The following KIF26B variants were observed in gnomAD, a reference collection of about 807,000 sequenced individuals.
KIF26B encodes kinesin-like protein KIF26B.
KIF26B carries 63 observed loss-of-function variants against 151.2 expected under a neutral mutation model. That is an observed-to-expected ratio of 0.42 (90% CI 0.34 to 0.51). KIF26B has a LOEUF of 0.51. KIF26B is among the 20% of genes least tolerant of loss of function. The pLI is 0.07. For synonymous variants in KIF26B, 1,357 were observed against 1,262.1 expected, an observed-to-expected ratio of 1.08 and a Z score of -1.59; for missense variants, 2,813 against 2,913.6, an observed-to-expected ratio of 0.97 and a Z score of 0.79.
chr1:245,455,783 G>A (rs1385429362), intron 4 of KIF26B, among the ~76,000 whole-genome samples: 1 of 152,162 alleles, frequency 6.6e-6, no homozygotes, highest in Non-Finnish European at 1.5e-5. Context: ...CAGCACCCCT[G>A]AGGCCAGAGA....
In KIF26B at chr1:245,375,109, C is replaced by T. The variant is rs1316364775; in HGVS notation, c.999+7742C>T. The stretch of plus-strand genomic sequence containing the variant: ...TTAATTTTATTATTATTTTTTGAGA[C>T]GGCGTCTCACTCTGCCACCCAGGCT... On this transcript the variant is annotated intron_variant, in intron 3 of 14. Transcript: ENST00000407071. The surrounding 1 kb of genome is among the most constrained non-coding windows in gnomAD (Gnocchi z 4.2). 1.1e-4 allele frequency among the ~76,000 whole-genome samples: 17 copies of T among 152,090 alleles called. No individual in the cohort carries two copies. Among genetic ancestry groups the T allele is most frequent in the Non-Finnish European group, 2.9e-5 (2 of 68,026 alleles).
At chr1:245,689,438 C>T (rs1357985408) in intron 12 of KIF26B, among the ~76,000 whole-genome samples, 1 of 152,246 alleles carries the variant, frequency 6.6e-6, no homozygotes, top group Non-Finnish European at 1.5e-5. Flanking sequence ...CTTCCTCCAC[C>T]TCCACCCCAA....
intron 4 of KIF26B, among the ~76,000 whole-genome samples, chr1:245,454,326 A>T (rs1194219939): frequency 2.0e-5 from 3 of 152,174 alleles, no homozygotes; most frequent in Non-Finnish European, 4.4e-5. Context: ...AAGTAGTTCT[A>T]GTTTCTATGT....
chr1:245,599,426 G>A (rs1279993439), intron 5 of KIF26B, among the ~76,000 whole-genome samples: 1 of 152,232 alleles, frequency 6.6e-6, no homozygotes, highest in African/African-American at 2.4e-5. Context: ...TGCAGAAAAT[G>A]AGCCGCAGGC....
At chr1:245,670,214 A>C (rs2044265937) in intron 10 of KIF26B, among the ~76,000 whole-genome samples, 3 of 149,058 alleles carry the variant, frequency 2.0e-5, no homozygotes, top group African/African-American at 7.3e-5. Flanking sequence ...AAAAAGGCTG[A>C]ATAATATTCC....
intron 2 of KIF26B, among the ~76,000 whole-genome samples, chr1:245,301,014 G>C (rs1671420372): frequency 6.8e-6 from 1 of 147,640 alleles, no homozygotes; most frequent in Non-Finnish European, 1.5e-5. Flanking sequence ...ATTTTTAGTA[G>C]AGATGGGGGT....
At chr1:245,443,725 G>T (rs1308781977) in intron 4 of KIF26B, among the ~76,000 whole-genome samples, 1 of 100,302 alleles carries the variant, frequency 1.0e-5, no homozygotes, top group Non-Finnish European at 2.1e-5. Flanking sequence ...CACCTAGAGC[G>T]GTCATCTCCC....
intron 2 of KIF26B, among the ~76,000 whole-genome samples, chr1:245,327,463 T>C (rs193143): frequency 6.6e-6 from 1 of 152,232 alleles, no homozygotes; most frequent in Non-Finnish European, 1.5e-5. Flanking sequence ...TGCATTTTGG[T>C]CTGTCTGCTC....
rs528908948 is a variant in KIF26B at position 245,201,871 on chromosome 1, T to C, written c.465+45188T>C. Among the ~76,000 whole-genome samples the C allele has an allele frequency of 2.0e-4, 30 of 152,312 alleles. No individual in the cohort carries two copies. In the South Asian group the frequency reaches 6.2e-3, roughly 32 times the overall value. ...TCTGCAGCACAGGAGTACGACTGTA[T>C]TTGAGGAGGCAGCTTGACTTCATGC... On this transcript the variant is annotated intron_variant, in intron 2 of 14. Transcript: ENST00000407071.
intron 2 of KIF26B, among the ~76,000 whole-genome samples, chr1:245,335,893 G>A (rs916845667): frequency 6.8e-6 from 1 of 147,148 alleles, no homozygotes; most frequent in Non-Finnish European, 1.5e-5. Flanking sequence ...AGGGTCCCAC[G>A]CAGGGAAAGA....
rs146212366 is a variant in KIF26B at position 245,462,570 on chromosome 1, T to C, written c.1166+42825T>C. Among the ~76,000 whole-genome samples, 409 of 152,248 alleles carry C rather than the reference T, an allele frequency of 2.7e-3. 3 individuals are homozygous for C. Among genetic ancestry groups the C allele is most frequent in the African/African-American group, 9.2e-3 (382 of 41,546 alleles). ...TGACTGTCACAGCAATGGATTCCTT[T>C]AGTAGCATCTTCACTGTGTATTCAC... On this transcript the variant is annotated intron_variant, in intron 4 of 14. Transcript: ENST00000407071.
Position 245,516,005 on chromosome 1 carries a change from G to T in KIF26B, c.1167-24762G>T, listed in dbSNP as rs991896277. ...GCATCTGACAAAGCTGGGTTTGGAC[G>T]ATAGCCTCATACTTGGGTTTCTGTT... On this transcript the variant is annotated intron_variant, in intron 4 of 14. Coordinates refer to ENST00000407071, the MANE Select transcript of KIF26B (RefSeq NM_018012.4). This position sits in a 1 kb window ranked among gnomAD's most constrained non-coding sequence, Gnocchi z 4.2. Among the ~76,000 whole-genome samples, 1 of 152,252 alleles carries T rather than the reference G, an allele frequency of 6.6e-6. No homozygotes were observed. Among genetic ancestry groups the T allele is most frequent in the East Asian group, 1.9e-4 (1 of 5,186 alleles).
rs1346006624 is a variant in KIF26B at position 245,261,463 on chromosome 1, TTCTTTCTCTCTC to T, written c.465+104784_465+104795del. On this transcript the variant is annotated intron_variant, in intron 2 of 14. Transcript: ENST00000407071. ...GCTCGCTTGCTTGCTTGCTTTTTCT[TTCTTTCTCTCTC>T]TCTCTCTCTCTCTCTCTCTCTCTCT... Among the ~76,000 whole-genome samples the T allele has an allele frequency of 1.6e-4, 16 of 97,018 alleles. 1 individual carries two copies. Among genetic ancestry groups the T allele is most frequent in the South Asian group, 4.0e-4 (1 of 2,528 alleles). 63.6% of individuals were successfully genotyped at this position (97,018 alleles called of 152,430 possible). A position where few individuals can be genotyped will look rare whatever the true frequency, so the allele number is the denominator to read the frequency against.
intron 2 of KIF26B, among the ~76,000 whole-genome samples, chr1:245,216,982 C>G (rs527446955): frequency 2.0e-5 from 3 of 152,322 alleles, no homozygotes; most frequent in South Asian, 2.1e-4. Context: ...ACTGCAGTCC[C>G]TGGAGCTTCT....
chr1:245,519,590 A>G (rs1263663821), intron 4 of KIF26B, among the ~76,000 whole-genome samples: 1 of 151,946 alleles, frequency 6.6e-6, no homozygotes, highest in Non-Finnish European at 1.5e-5. Context: ...AAGTATAGTC[A>G]TGTGTCACTG....
chr1:245,571,895 G>C (rs919677394), intron 5 of KIF26B, among the ~76,000 whole-genome samples: 2 of 152,184 alleles, frequency 1.3e-5, no homozygotes, highest in Admixed American at 1.3e-4. Context: ...CTTTCAAAGA[G>C]GTATCTACCA....
rs2043398162 is a variant in KIF26B, at chr1:245,601,682, A to T, written c.1351-895A>T. 1.3e-5 allele frequency among the ~76,000 whole-genome samples: 2 copies of T among 152,226 alleles called. No individual in the cohort carries two copies. Among genetic ancestry groups the T allele is most frequent in the African/African-American group, 2.4e-5 (1 of 41,462 alleles). ...TAGTAGGTGCTCAAAAAAAGTGCCCATCATTTGTTGGACTGAACTCACAAC... is the reference window on the plus strand; with the variant it reads ...TAGTAGGTGCTCAAAAAAAGTGCCCTTCATTTGTTGGACTGAACTCACAAC... On this transcript the variant is annotated intron_variant, in intron 5 of 14. Coordinates refer to ENST00000407071, the MANE Select transcript of KIF26B (RefSeq NM_018012.4). This position sits in a 1 kb window ranked among gnomAD's most constrained non-coding sequence, Gnocchi z 4.4.
chr1:245,470,606 A>C (rs942932109), intron 4 of KIF26B, among the ~76,000 whole-genome samples: 54 of 150,670 alleles, frequency 3.6e-4, no homozygotes, highest in Admixed American at 6.6e-5. Context: ...AATTTTTTGT[A>C]TTTTTAGTAG....
At chr1:245,178,552 C>T (rs1045589635) in intron 2 of KIF26B, among the ~76,000 whole-genome samples, 2 of 152,198 alleles carry the variant, frequency 1.3e-5, no homozygotes, top group African/African-American at 4.8e-5. Flanking sequence ...CATATCATTG[C>T]ACGGCCATCG....
Sources: allele counts gnomAD v4.1 joint callset (sites outside exome capture counted in the v4.1 genomes callset), GRCh38; gene constraint gnomAD v4.1.1; non-coding constraint Gnocchi (gnomAD v3.1); transcripts MANE v1.5; gene names NCBI Gene and HGNC (gene_info 2026-07-23, HGNC 2026-07-21).